The following VWA3A variants were observed in gnomAD, a reference collection of about 807,000 sequenced individuals.
The protein encoded by VWA3A is von Willebrand factor A domain containing 3A.
In VWA3A, 134 loss-of-function variants were observed where a neutral mutation model predicts 160.4. That is an observed-to-expected ratio of 0.84 (90% CI 0.73 to 0.96). VWA3A has a LOEUF of 0.96. Ranked by LOEUF, VWA3A falls within the 40% of genes least tolerant of loss-of-function variation. VWA3A has a pLI of 0.00. For missense variants in VWA3A, 1,310 were observed against 1,447.9 expected, an observed-to-expected ratio of 0.90 and a Z score of 1.55; for synonymous variants, 476 against 543.4, an observed-to-expected ratio of 0.88 and a Z score of 1.72.
At chr16:22,118,765 G>A (rs2045686389) in intron 11 of VWA3A, 137 bp from the exon 12 acceptor site, 3 of 1,115,284 alleles carry the variant, frequency 2.7e-6, no homozygotes, top group Non-Finnish European at 3.9e-6. Flanking sequence ...CTGGCACATG[G>A]GTCCCAGTGT....
chr16:22,136,153 C>T (rs2046036040), intron 21 of VWA3A, among the ~76,000 whole-genome samples: 1 of 152,140 alleles, frequency 6.6e-6, no homozygotes, highest in South Asian at 2.1e-4. Context: ...GGACAAGATA[C>T]AATGAGAGAG....
intron 21 of VWA3A, among the ~76,000 whole-genome samples, chr16:22,135,946 C>A (rs546523422): frequency 1.4e-4 from 22 of 152,036 alleles, no homozygotes; most frequent in Admixed American, 6.6e-4. Context: ...CCCGCCACCA[C>A]GCCTGACTGA....
At chr16:22,099,382 C>A (rs1387017294) in intron 3 of VWA3A, among the ~76,000 whole-genome samples, 1 of 152,158 alleles carries the variant, frequency 6.6e-6, no homozygotes, top group Non-Finnish European at 1.5e-5. Context: ...TGGTTAGAAG[C>A]ATGACTTGAG....
intron 24 of VWA3A, among the ~76,000 whole-genome samples, chr16:22,142,135 A>T (rs994178556): frequency 6.6e-6 from 1 of 152,132 alleles, no homozygotes; most frequent in Non-Finnish European, 1.5e-5. Context: ...AGCAAATTGC[A>T]CTAAGGACTT....
chr16:22,105,168 C>T (rs1332598445), intron 6 of VWA3A, among the ~76,000 whole-genome samples: 3 of 152,148 alleles, frequency 2.0e-5, no homozygotes, highest in Non-Finnish European at 2.9e-5. Flanking sequence ...GAATGAAATC[C>T]TCCCATACTC....
chr16:22,121,054 A>T lies in VWA3A; in HGVS notation c.1203A>T (p.Pro401=). The change falls in exon 13 of 34, where the codon CCA becomes CCT. Residue 401 remains proline, a synonymous_variant. Transcript: ENST00000389398. ...ACGCTCCTCTCACCATTGAGTTTCC[A>T]AACTTGGACAAGACTTCTGCAGAGT... is the stretch of plus-strand genomic sequence containing the variant. ...KHDAPLTIEF[P]NLDKTSAEWL... 1 of 1,614,014 alleles carries T rather than the reference A, an allele frequency of 6.2e-7. No individual in the cohort carries two copies. The highest frequency in any genetic ancestry group is 8.5e-7 in the Non-Finnish European group (1 of 1,179,888).
intron 8 of VWA3A, among the ~76,000 whole-genome samples, chr16:22,112,106 A>G (rs2045560606): frequency 6.6e-6 from 1 of 152,204 alleles, no homozygotes. Flanking sequence ...ATGGCTACAT[A>G]GAATTCTACT....
intron 28 of VWA3A, among the ~76,000 whole-genome samples, chr16:22,148,598 C>T (rs969991656): frequency 2.6e-5 from 4 of 151,980 alleles, no homozygotes; most frequent in African/African-American, 9.7e-5. Flanking sequence ...AAGTGTCATC[C>T]CATCTCTTCA....
At chr16:22,142,819 C>A in intron 25 of VWA3A, 54 bp downstream of exon 25, 2 of 1,328,276 alleles carry the variant, frequency 1.5e-6, no homozygotes, top group Non-Finnish European at 2.1e-6. Flanking sequence ...GTAGTTCTGT[C>A]CACCAACCAT....
At chr16:22,118,843 G>A (rs2045687432) in intron 11 of VWA3A, 59 bp from the exon 12 acceptor site, 10 of 1,604,814 alleles carry the variant, frequency 6.2e-6, no homozygotes, top group Non-Finnish European at 8.5e-6. Flanking sequence ...CCCTTCCTGG[G>A]TTGACCCCTG....
chr16:22,094,622 A>C (rs2045287931), intron 1 of VWA3A, among the ~76,000 whole-genome samples: 1 of 152,118 alleles, frequency 6.6e-6, no homozygotes, highest in Non-Finnish European at 1.5e-5. Context: ...CATGGAACCC[A>C]AGAACAGAAA....
intron 31 of VWA3A, 85 bp downstream of exon 31, chr16:22,152,719 C>T: frequency 6.6e-7 from 1 of 1,523,744 alleles, no homozygotes; most frequent in African/African-American, 1.4e-5. Flanking sequence ...TTCTTGAACT[C>T]CTGGGCTCAA....
chr16:22,112,677 T>C (rs1598056233), intron 8 of VWA3A, among the ~76,000 whole-genome samples: 1 of 152,186 alleles, frequency 6.6e-6, no homozygotes, highest in South Asian at 2.1e-4. Context: ...GAGCTATGGT[T>C]GTGCTACTGT....
chr16:22,134,495 C>T (rs976124794), intron 21 of VWA3A, 57 bp downstream of exon 21: 2 of 1,426,272 alleles, frequency 1.4e-6, no homozygotes, highest in Admixed American at 2.2e-5. Flanking sequence ...TTTCCTGGGG[C>T]TACCATAACT....
At chr16:22,152,007 G>A (rs1216853064) in intron 30 of VWA3A, among the ~76,000 whole-genome samples, 1 of 152,154 alleles carries the variant, frequency 6.6e-6, no homozygotes, top group African/African-American at 2.4e-5. Flanking sequence ...TCAGGAGTTC[G>A]AGACCAGCCT....
chr16:22,131,257 A>G lies in VWA3A; in HGVS notation c.1705A>G (p.Asn569Asp), dbSNP rs1186099669. The change falls in exon 18 of 34, where the codon AAC (asparagine) becomes GAC (aspartate). Residue 569 changes from asparagine (N) to aspartate (D), a missense_variant. Transcript: ENST00000389398. ...GCCTGAGATGGTTCCCGTGAGTCAC[A>G]ACAATTTACAAAGTGCCTGGCGGTA... ...WRPEMVPVSH[N>D]NLQSAWRWAL... is the part of the protein sequence containing the mutation. The G allele has an allele frequency of 1.9e-6, 3 of 1,613,844 alleles. No individual in the cohort carries two copies. The highest frequency in any genetic ancestry group is 1.3e-5 in the African/African-American group (1 of 74,916).
chr16:22,151,557 T>C (rs2046348142), intron 30 of VWA3A, among the ~76,000 whole-genome samples: 1 of 152,226 alleles, frequency 6.6e-6, no homozygotes, highest in African/African-American at 2.4e-5. Context: ...GGTTATTTTT[T>C]TTTATAAACG....
At chr16:22,147,170 G>A (rs889603787) in intron 27 of VWA3A, among the ~76,000 whole-genome samples, 8 of 152,086 alleles carry the variant, frequency 5.3e-5, no homozygotes, top group Non-Finnish European at 1.0e-4. Flanking sequence ...CTACAGGCAC[G>A]TGCCACCATG....
At chr16:22,117,901 C>T (rs927432394) in intron 11 of VWA3A, among the ~76,000 whole-genome samples, 1 of 152,206 alleles carries the variant, frequency 6.6e-6, no homozygotes, top group Non-Finnish European at 1.5e-5. Context: ...CATCTAGACT[C>T]TCTCTGCAGG....
Sources: allele counts gnomAD v4.1 joint callset (sites outside exome capture counted in the v4.1 genomes callset), GRCh38; gene constraint gnomAD v4.1.1; transcripts MANE v1.5; gene names NCBI Gene and HGNC (gene_info 2026-07-23, HGNC 2026-07-21).